DNM2: variants seen among roughly 807,000 people sequenced by gnomAD.
DNM2 encodes the protein dynamin-2.
DNM2 carries 15 observed loss-of-function variants against 99.0 expected under a neutral mutation model. The observed-to-expected ratio is 0.15, with a 90% CI of 0.10 to 0.23. The LOEUF is 0.23. Ranked by LOEUF, DNM2 falls within the 10% of genes least tolerant of loss-of-function variation. The probability of loss-of-function intolerance (pLI) is 1.00; values close to 1 mark genes in which losing one functional copy is unlikely to be tolerated. For missense variants in DNM2, 742 were observed against 1,189.4 expected, an observed-to-expected ratio of 0.62 and a Z score of 5.53; for synonymous variants, 525 against 481.2, an observed-to-expected ratio of 1.09 and a Z score of -1.19.
chr19:10,758,837 T>C (rs1332083054), intron 1 of DNM2, among the ~76,000 whole-genome samples: 1 of 152,152 alleles, frequency 6.6e-6, no homozygotes, highest in Non-Finnish European at 1.5e-5. Context: ...CCTGTGCCAC[T>C]GCACCCGGCC....
At chr19:10,804,959 G>T (rs896793166) in intron 12 of DNM2, among the ~76,000 whole-genome samples, 1 of 152,188 alleles carries the variant, frequency 6.6e-6, no homozygotes, top group African/African-American at 2.4e-5. Context: ...GAAAAGACAA[G>T]AAAATATGAT....
chr19:10,724,656 T>A (rs1435676668), intron 1 of DNM2, among the ~76,000 whole-genome samples: 1 of 152,024 alleles, frequency 6.6e-6, no homozygotes, highest in Non-Finnish European at 1.5e-5. Context: ...GATATTAGGG[T>A]GGGACCAGGC....
At chr19:10,802,831 G>A (rs565120188) in intron 12 of DNM2, among the ~76,000 whole-genome samples, 13 of 152,314 alleles carry the variant, frequency 8.5e-5, no homozygotes, top group Non-Finnish European at 1.6e-4. Flanking sequence ...AGAACCTTCC[G>A]TGGCACCCAG....
chr19:10,739,861 CAAA>C (rs59755624), intron 1 of DNM2, among the ~76,000 whole-genome samples: 10 of 32,638 alleles, frequency 3.1e-4, no homozygotes, highest in South Asian at 2.3e-3. Flanking sequence ...CTCTCTCTCT[CAAA>C]AAAAAAAAAA....
rs2071106992 is a variant in DNM2 at position 10,775,024 on chromosome 19, G to A, written c.386-679G>A. On this transcript the variant is annotated intron_variant, in intron 3 of 20. Transcript: ENST00000389253. The surrounding 1 kb of genome is among the most constrained non-coding windows in gnomAD (Gnocchi z 4.3). ...GAGCTCAAGTGATCTACCCATCATG[G>A]CCTCCCAAAGTGCTGGGATGACAGG... 6.6e-6 allele frequency among the ~76,000 whole-genome samples: 1 copy of A among 151,996 alleles called. No individual in the cohort carries two copies. The highest frequency in any genetic ancestry group is 1.5e-5 in the Non-Finnish European group (1 of 67,990).
rs2071437219 is a variant in DNM2 at position 10,783,236 on chromosome 19, G to C, written c.849+116G>C. 7 of 1,479,196 alleles carry C rather than the reference G, an allele frequency of 4.7e-6. No homozygotes were observed. The Admixed American group carries it at 1.3e-4, about 27-fold the overall frequency. The allele number at this position is 1,479,196 out of a possible 1,614,324, so 91.6% of individuals were successfully genotyped here. On this transcript the variant is annotated intron_variant, in intron 6 of 20. Coordinates refer to ENST00000389253, the MANE Select transcript of DNM2 (RefSeq NM_001005361.3). ...AGCAGCACTTGTTTTAGCAAAATGG[G>C]TTCAGTCCACATTTAGCCTAGGAGT...
At chr19:10,766,980 G>T (rs1047333755) in intron 2 of DNM2, among the ~76,000 whole-genome samples, 1 of 152,128 alleles carries the variant, frequency 6.6e-6, no homozygotes, top group Admixed American at 6.5e-5. Flanking sequence ...GGTGTGTGTG[G>T]AGCTATCAAA....
chr19:10,780,525 C>T (rs1453373236), intron 5 of DNM2, among the ~76,000 whole-genome samples: 6 of 152,182 alleles, frequency 3.9e-5, no homozygotes, highest in Admixed American at 3.9e-4. Context: ...GGCGCTTCCA[C>T]TCTCAGCTCA....
chr19:10,791,654 C>T (rs1368436082), intron 7 of DNM2, among the ~76,000 whole-genome samples: 1 of 152,200 alleles, frequency 6.6e-6, no homozygotes, highest in Admixed American at 6.5e-5. Context: ...GCTTTGTCCC[C>T]TGTGGCTGAG....
chr19:10,829,084 G>A lies in DNM2; in HGVS notation c.2107G>A (p.Ala703Thr), dbSNP rs1299975305. 7 of 1,613,908 alleles carry A rather than the reference G, an allele frequency of 4.3e-6. No homozygotes were observed. The highest frequency in any genetic ancestry group is 5.9e-6 in the Non-Finnish European group (7 of 1,179,988). ...HELLAYLYSSADQSSLMEESA... is the reference protein window; with the variant it reads ...HELLAYLYSSTDQSSLMEESA... ...GCTGCTGGCCTACCTATACTCCTCG[G>A]CAGACCAGAGCAGCCTCATGGAGGA... Residue 703 changes from alanine to threonine, a missense_variant, in exon 19 of 21, where the codon GCA becomes ACA. Transcript: ENST00000389253.
At chr19:10,728,471 C>T (rs926785910) in intron 1 of DNM2, among the ~76,000 whole-genome samples, 8 of 152,070 alleles carry the variant, frequency 5.3e-5, no homozygotes, top group Non-Finnish European at 1.0e-4. Flanking sequence ...GGCACCATGG[C>T]GTTTGTATCT....
At chr19:10,760,100 C>G (rs1473774505) in intron 2 of DNM2, among the ~76,000 whole-genome samples, 1 of 151,996 alleles carries the variant, frequency 6.6e-6, no homozygotes, top group Non-Finnish European at 1.5e-5. Flanking sequence ...GTGATGCTAT[C>G]TTGGCTCACT....
chr19:10,761,966 G>A (rs562482585), intron 2 of DNM2, among the ~76,000 whole-genome samples: 11 of 152,328 alleles, frequency 7.2e-5, no homozygotes, highest in South Asian at 2.1e-4. Context: ...AGTCCTGAGA[G>A]TCACTATAGA....
intron 1 of DNM2, among the ~76,000 whole-genome samples, chr19:10,756,605 T>C (rs1462237223): frequency 6.6e-6 from 1 of 151,748 alleles, no homozygotes; most frequent in East Asian, 1.9e-4. Flanking sequence ...TCCTCAGGAG[T>C]GTGGCTCGAA....
chr19:10,748,143 G>T (rs2070060919), intron 1 of DNM2, among the ~76,000 whole-genome samples: 1 of 152,174 alleles, frequency 6.6e-6, no homozygotes, highest in African/African-American at 2.4e-5. Flanking sequence ...TGAAGCGGGA[G>T]CCCAAGGAGG....
intron 11 of DNM2, 146 bp downstream of exon 11, chr19:10,798,718 C>T: frequency 1.3e-6 from 1 of 785,462 alleles, no homozygotes; most frequent in Non-Finnish European, 2.1e-6. Context: ...CTCCTAAAAT[C>T]CCTGTCCCTA....
At chr19:10,790,021 G>A (rs936630100) in intron 7 of DNM2, among the ~76,000 whole-genome samples, 3 of 152,162 alleles carry the variant, frequency 2.0e-5, no homozygotes, top group Admixed American at 6.6e-5. Context: ...ATGGAGAAGC[G>A]CCACTGTTAT....
At chr19:10,732,315 A>C (rs1011119881) in intron 1 of DNM2, among the ~76,000 whole-genome samples, 1 of 146,994 alleles carries the variant, frequency 6.8e-6, no homozygotes, top group Non-Finnish European at 1.5e-5. Flanking sequence ...AAAAAAAAAA[A>C]AAACAGGCCG....
chr19:10,773,871 C>G (rs1195463823), intron 3 of DNM2, among the ~76,000 whole-genome samples: 1 of 152,088 alleles, frequency 6.6e-6, no homozygotes, highest in Admixed American at 6.6e-5. Flanking sequence ...ATCCCCCTCC[C>G]AAAGTGCTGG....
Sources: gnomAD v4.1 joint callset for allele counts (sites outside exome capture counted in the v4.1 genomes callset) on GRCh38, gnomAD v4.1.1 for gene constraint, Gnocchi (gnomAD v3.1) non-coding constraint, MANE v1.5 for transcripts, NCBI Gene and HGNC (gene_info 2026-07-23, HGNC 2026-07-21) for gene names.